DCC: variants seen among roughly 807,000 people sequenced by gnomAD.
The protein encoded by DCC is DCC netrin 1 receptor.
In DCC, 58 loss-of-function variants were observed where a neutral mutation model predicts 172.5. That is an observed-to-expected ratio of 0.34 (90% confidence interval 0.27 to 0.42). The LOEUF (loss-of-function observed/expected upper bound fraction) is 0.42. Ranked by LOEUF, DCC falls within the 10% of genes least tolerant of loss-of-function variation. The pLI, the probability that DCC is intolerant of heterozygous loss-of-function variation, is 1.00. For synonymous variants in DCC, 709 were observed against 644.5 expected, an observed-to-expected ratio of 1.10 and a Z score of -1.52; for missense variants, 1,740 against 1,791.0, an observed-to-expected ratio of 0.97 and a Z score of 0.51.
At chr18:53,203,330 G>A (rs1472278556) in intron 9 of DCC, among the ~76,000 whole-genome samples, 1 of 151,442 alleles carries the variant, frequency 6.6e-6, no homozygotes, top group Non-Finnish European at 1.5e-5. Flanking sequence ...AGGAAACATG[G>A]CTGTTCTATG....
intron 1 of DCC, among the ~76,000 whole-genome samples, chr18:52,646,958 T>C (rs917622004): frequency 6.6e-6 from 1 of 152,172 alleles, no homozygotes; most frequent in African/African-American, 2.4e-5. Flanking sequence ...GACACTTCGA[T>C]AGCATGAAAT....
At chr18:53,381,105 C>G (rs1035616263) in intron 15 of DCC, among the ~76,000 whole-genome samples, 1 of 152,144 alleles carries the variant, frequency 6.6e-6, no homozygotes, top group Non-Finnish European at 1.5e-5. Flanking sequence ...ACAGTTACCT[C>G]AAATTTATGG....
intron 17 of DCC, 109 bp from the exon 18 acceptor site, chr18:53,397,199 G>A: frequency 1.0e-6 from 1 of 992,242 alleles, no homozygotes; most frequent in Non-Finnish European, 1.6e-6. Context: ...CTGCTGTTTG[G>A]GAGTAGATTA....
intron 1 of DCC, among the ~76,000 whole-genome samples, chr18:52,676,124 G>T (rs1303219804): frequency 6.6e-6 from 1 of 152,198 alleles, no homozygotes; most frequent in Non-Finnish European, 1.5e-5. Flanking sequence ...AGTCTAGCTA[G>T]ATTCAACAAT....
intron 12 of DCC, among the ~76,000 whole-genome samples, chr18:53,226,274 A>C (rs73957111): frequency 0.022 from 3,349 of 152,292 alleles, 136 homozygotes; most frequent in African/African-American, 0.077. Flanking sequence ...GACAAAGGTA[A>C]GGTCTAGATC....
intron 5 of DCC, among the ~76,000 whole-genome samples, chr18:52,948,667 C>T (rs191767885): frequency 1.2e-4 from 19 of 152,254 alleles, no homozygotes; most frequent in African/African-American, 4.6e-4. Context: ...ATGGGGCACC[C>T]CTGCTTTGCC....
intron 5 of DCC, among the ~76,000 whole-genome samples, chr18:52,998,420 C>G (rs892758396): frequency 6.6e-6 from 1 of 152,042 alleles, no homozygotes; most frequent in Non-Finnish European, 1.5e-5. Context: ...GCTCTAGACA[C>G]GAGCATAAAA....
At chr18:52,577,498 A>C (rs888074216) in intron 1 of DCC, among the ~76,000 whole-genome samples, 2 of 152,188 alleles carry the variant, frequency 1.3e-5, no homozygotes, top group African/African-American at 4.8e-5. Context: ...AGAATCCCAA[A>C]GTTGAATTCT....
At chr18:53,374,241 C>T (rs146595044) in intron 15 of DCC, among the ~76,000 whole-genome samples, 1 of 152,236 alleles carries the variant, frequency 6.6e-6, no homozygotes, top group Non-Finnish European at 1.5e-5. Context: ...CAGTGACTAC[C>T]ACATTGGACA....
chr18:52,379,776 C>T (rs1568141532), intron 1 of DCC, among the ~76,000 whole-genome samples: 1 of 152,138 alleles, frequency 6.6e-6, no homozygotes, highest in East Asian at 1.9e-4. Context: ...AAATCTGGTA[C>T]TTTGCCTTGA....
intron 1 of DCC, among the ~76,000 whole-genome samples, chr18:52,710,446 T>C (rs1436418877): frequency 1.3e-5 from 2 of 152,146 alleles, no homozygotes; most frequent in Non-Finnish European, 2.9e-5. Context: ...AAAAACAGAA[T>C]GTGCAGTGTG....
chr18:53,243,959 A>C (rs937781812), intron 12 of DCC, among the ~76,000 whole-genome samples: 5 of 152,164 alleles, frequency 3.3e-5, no homozygotes, highest in Admixed American at 2.6e-4. Flanking sequence ...AATGCCCTAA[A>C]ATTCTAAGCA....
chr18:52,966,443 C>T (rs1292232670), intron 5 of DCC, among the ~76,000 whole-genome samples: 5 of 152,158 alleles, frequency 3.3e-5, no homozygotes, highest in Admixed American at 2.6e-4. Flanking sequence ...CACCCCTAAA[C>T]CCTACTTTGT....
In DCC at chr18:52,702,917, A is replaced by G. The variant is rs550502755; in HGVS notation, c.92-49137A>G. ...TGGTCATTTTCGGCTCCTATTTCCC[A>G]TAACAACTCTTATAAGATTTCGTTT... On this transcript the variant is annotated intron_variant, in intron 1 of 28. Transcript: ENST00000442544. 3.9e-5 allele frequency among the ~76,000 whole-genome samples: 6 copies of G among 152,282 alleles called. No homozygotes were observed. The South Asian group carries it at 8.3e-4, about 21-fold the overall frequency.
At chr18:52,382,626 T>G (rs555027073) in intron 1 of DCC, among the ~76,000 whole-genome samples, 2 of 152,202 alleles carry the variant, frequency 1.3e-5, no homozygotes, top group East Asian at 3.9e-4. Context: ...TGGAGAGATA[T>G]TTTGGAGACA....
At chr18:52,740,464 C>T (rs2036803005) in intron 1 of DCC, among the ~76,000 whole-genome samples, 1 of 152,134 alleles carries the variant, frequency 6.6e-6, no homozygotes, top group South Asian at 2.1e-4. Context: ...TGGCCTCTAT[C>T]TTTAGAAAAT....
chr18:53,288,384 T>C (rs2056960503), intron 12 of DCC, among the ~76,000 whole-genome samples: 1 of 152,090 alleles, frequency 6.6e-6, no homozygotes, highest in East Asian at 1.9e-4. Context: ...AAATGGCAAG[T>C]TAGTTACATT....
At chr18:53,163,048 C>T (rs2054866430) in intron 8 of DCC, among the ~76,000 whole-genome samples, 1 of 152,156 alleles carries the variant, frequency 6.6e-6, no homozygotes, top group Non-Finnish European at 1.5e-5. Context: ...TTTATCTCAC[C>T]CCTTCATTTT....
intron 2 of DCC, among the ~76,000 whole-genome samples, chr18:52,778,399 A>G (rs147575830): frequency 1.1e-3 from 166 of 152,302 alleles, no homozygotes; most frequent in African/African-American, 3.9e-3. Context: ...TATAATGCCT[A>G]TTTCACTATT....
Sources: gnomAD v4.1 joint callset for allele counts (sites outside exome capture counted in the v4.1 genomes callset) on GRCh38, gnomAD v4.1.1 for gene constraint, MANE v1.5 for transcripts, NCBI Gene and HGNC (gene_info 2026-07-23, HGNC 2026-07-21) for gene names.